Variants in SHISA6 observed in about 807,000 individuals in gnomAD.
The protein encoded by SHISA6 is shisa family member 6.
SHISA6 carries 22 observed loss-of-function variants against 47.9 expected under a neutral mutation model. That is an observed-to-expected ratio of 0.46 (90% CI 0.33 to 0.66). SHISA6 has a LOEUF of 0.66. Among genes scored for constraint, SHISA6 ranks in the 30% least tolerant of loss-of-function variants. The pLI, the probability that SHISA6 is intolerant of heterozygous loss-of-function variation, is 0.02. For synonymous variants in SHISA6, 388 were observed against 337.8 expected, an observed-to-expected ratio of 1.15 and a Z score of -1.63; for missense variants, 680 against 764.6, an observed-to-expected ratio of 0.89 and a Z score of 1.30.
At position 11,479,688 on chromosome 17, in the gene SHISA6, C is replaced by T. The variant is rs1916164637; in HGVS notation, c.896-72208C>T. Among the ~76,000 whole-genome samples, 3 of 151,654 alleles carry T rather than the reference C, an allele frequency of 2.0e-5. No homozygotes were observed. The South Asian group carries it at 6.3e-4, about 32-fold the overall frequency. ...ATAATTTTAATTCCTCCCTTTCATC[C>T]CTTGTAACATTGGCATCATTCATTT... is the stretch of plus-strand genomic sequence containing the variant. On this transcript the variant is annotated intron_variant, in intron 3 of 5. Transcript: ENST00000441885.
chr17:11,329,806 T>G (rs892579820), intron 2 of SHISA6, among the ~76,000 whole-genome samples: 1 of 152,106 alleles, frequency 6.6e-6, no homozygotes. Context: ...CGACTTAATA[T>G]AGGTTATGTG....
chr17:11,508,212 G>GT (rs1253105005), intron 3 of SHISA6, among the ~76,000 whole-genome samples: 1 of 152,212 alleles, frequency 6.6e-6, no homozygotes, highest in Non-Finnish European at 1.5e-5. Context: ...TCGTGCTGCT[G>GT]TAACAAAATA....
intron 1 of SHISA6, among the ~76,000 whole-genome samples, chr17:11,243,209 C>T (rs943160101): frequency 4.6e-5 from 7 of 151,526 alleles, no homozygotes; most frequent in African/African-American, 1.2e-4. Context: ...ACCTGAAAAC[C>T]GCCTTCCTCG....
At chr17:11,344,918 C>T (rs1310435290) in intron 2 of SHISA6, among the ~76,000 whole-genome samples, 1 of 151,946 alleles carries the variant, frequency 6.6e-6, no homozygotes, top group Non-Finnish European at 1.5e-5. Context: ...ATTAACCAGC[C>T]TCTCCTTATT....
chr17:11,251,909 A>G (rs937613468), intron 1 of SHISA6, among the ~76,000 whole-genome samples: 3 of 152,184 alleles, frequency 2.0e-5, no homozygotes, highest in African/African-American at 7.2e-5. Context: ...CGGTTGTCAC[A>G]GGGCGGTGAG....
At chr17:11,547,908 A>G (rs192959948) in intron 3 of SHISA6, among the ~76,000 whole-genome samples, 2 of 152,216 alleles carry the variant, frequency 1.3e-5, no homozygotes, top group Non-Finnish European at 2.9e-5. Context: ...AAAATGTCCA[A>G]TGGATTTTTT....
At chr17:11,360,924 T>C (rs1167606012) in intron 2 of SHISA6, among the ~76,000 whole-genome samples, 1 of 151,810 alleles carries the variant, frequency 6.6e-6, no homozygotes, top group African/African-American at 2.4e-5. Context: ...GAGGTCACTC[T>C]TGTTTTTCTC....
chr17:11,536,978 C>T (rs995296745), intron 3 of SHISA6, among the ~76,000 whole-genome samples: 19 of 152,146 alleles, frequency 1.2e-4, no homozygotes, highest in Admixed American at 8.5e-4. Flanking sequence ...CCTGAAGACG[C>T]GGATCACAGC....
At chr17:11,436,980 G>A (rs1007146997) in intron 3 of SHISA6, among the ~76,000 whole-genome samples, 1 of 152,184 alleles carries the variant, frequency 6.6e-6, no homozygotes, top group African/African-American at 2.4e-5. Flanking sequence ...TGTATATCAC[G>A]TGTTGCTTAA....
intron 5 of SHISA6, among the ~76,000 whole-genome samples, chr17:11,556,729 G>T (rs1188391926): frequency 6.6e-6 from 1 of 152,136 alleles, no homozygotes; most frequent in Non-Finnish European, 1.5e-5. Flanking sequence ...TCATCCCGAG[G>T]TGATGAAATT....
chr17:11,368,334 G>A (rs1042780005), intron 2 of SHISA6, among the ~76,000 whole-genome samples: 5 of 152,054 alleles, frequency 3.3e-5, no homozygotes, highest in African/African-American at 9.7e-5. Flanking sequence ...CTTAATTAGC[G>A]GGTCTGTTTT....
intron 3 of SHISA6, among the ~76,000 whole-genome samples, chr17:11,481,720 T>G (rs1916229243): frequency 6.6e-6 from 1 of 151,992 alleles, no homozygotes; most frequent in South Asian, 2.1e-4. Flanking sequence ...CTCGAACTCC[T>G]GACCTCATGA....
chr17:11,499,372 CT>C (rs1218013471), intron 3 of SHISA6, among the ~76,000 whole-genome samples: 32 of 152,176 alleles, frequency 2.1e-4, no homozygotes, highest in Non-Finnish European at 3.2e-4. Flanking sequence ...ACGTTTTATC[CT>C]CTATGAAGCA....
At chr17:11,457,158 A>G (rs1915562564) in intron 3 of SHISA6, among the ~76,000 whole-genome samples, 1 of 152,138 alleles carries the variant, frequency 6.6e-6, no homozygotes, top group South Asian at 2.1e-4. Flanking sequence ...ATGATGCCCC[A>G]AAGTCTCCAA....
intron 3 of SHISA6, among the ~76,000 whole-genome samples, chr17:11,454,415 A>G (rs908924927): frequency 2.6e-5 from 4 of 152,208 alleles, no homozygotes; most frequent in Non-Finnish European, 4.4e-5. Context: ...CTTTTCAGAC[A>G]TTAATCTGAT....
Position 11,295,417 on chromosome 17 carries a change from G to T in SHISA6, c.799+31891G>T, listed in dbSNP as rs1449079319. Among the ~76,000 whole-genome samples, 6 of 152,312 alleles carry T rather than the reference G, an allele frequency of 3.9e-5. No individual in the cohort carries two copies. In the South Asian group the frequency reaches 8.3e-4, roughly 21 times the overall value. On this transcript the variant is annotated intron_variant, in intron 2 of 5. Coordinates refer to ENST00000441885, the MANE Select transcript of SHISA6 (RefSeq NM_207386.4). Reference sequence around the variant, plus strand: ...CCCTGCTCTTGGCAACTTACAGTCAGTGGGGGAGACAGACAGTAAATAACA... The same window carrying T: ...CCCTGCTCTTGGCAACTTACAGTCATTGGGGGAGACAGACAGTAAATAACA...
chr17:11,244,283 C>T (rs1266742687), intron 1 of SHISA6, among the ~76,000 whole-genome samples: 3 of 152,156 alleles, frequency 2.0e-5, no homozygotes, highest in East Asian at 3.9e-4. Context: ...CTGATCAGTG[C>T]TTTGGAAACC....
chr17:11,488,712 G>A (rs146146358), intron 3 of SHISA6, among the ~76,000 whole-genome samples: 2,019 of 152,308 alleles, frequency 0.013, 24 homozygotes, highest in Non-Finnish European at 0.019. Context: ...AACAAAAAGA[G>A]TGTGCATCCT....
chr17:11,254,304 T>C (rs1437813635), intron 1 of SHISA6, among the ~76,000 whole-genome samples: 1 of 152,190 alleles, frequency 6.6e-6, no homozygotes. Flanking sequence ...TGTAGTGTTG[T>C]GGAAGTGTGT....
Sources: gnomAD v4.1 joint callset for allele counts (sites outside exome capture counted in the v4.1 genomes callset) on GRCh38, gnomAD v4.1.1 for gene constraint, MANE v1.5 for transcripts, NCBI Gene and HGNC (gene_info 2026-07-23, HGNC 2026-07-21) for gene names.